The following UBE4A variants were observed in gnomAD, a reference collection of about 807,000 sequenced individuals.
The protein encoded by UBE4A is ubiquitin conjugation factor E4 A.
Under a neutral mutation model 117.9 loss-of-function variants are expected in UBE4A, and 48 were observed. That is an observed-to-expected ratio of 0.41 (90% CI 0.32 to 0.52). The LOEUF (loss-of-function observed/expected upper bound fraction) is 0.52, where lower values mean the gene tolerates loss of function less well. Ranked by LOEUF, UBE4A falls within the 20% of genes least tolerant of loss-of-function variation. UBE4A has a pLI of 0.33. For missense variants in UBE4A, 1,067 were observed against 1,296.3 expected (o/e 0.82, Z 2.72); for synonymous variants, 407 against 450.0 (o/e 0.90, Z 1.21).
chr11:118,387,007 A>G (rs148658855), intron 16 of UBE4A, among the ~76,000 whole-genome samples: 112 of 152,328 alleles, frequency 7.4e-4, no homozygotes, highest in African/African-American at 2.7e-3. Flanking sequence ...TCCACTGTCC[A>G]ATTCAGTAGC....
rs901151695 is a variant in UBE4A, at chr11:118,373,765, C to A, written c.1116+80C>A. On this transcript the variant is annotated intron_variant, in intron 8 of 19. Coordinates refer to ENST00000252108, the MANE Select transcript of UBE4A (RefSeq NM_001204077.2). ...GAAAGCAGATACAGATAAGGCTGCT[C>A]AAGCCTCTCTGGGAAAGCAAATTGA... 1.1e-5 allele frequency: 16 copies of A among 1,445,412 alleles called. No individual in the cohort carries two copies. The East Asian group carries it at 1.5e-4, about 13-fold the overall frequency. 89.5% of individuals were successfully genotyped at this position (1,445,412 alleles called of 1,614,324 possible).
chr11:118,377,912 C>CAA (rs56669473), intron 10 of UBE4A, among the ~76,000 whole-genome samples: 13 of 117,402 alleles, frequency 1.1e-4, no homozygotes, highest in Non-Finnish European at 1.3e-4. Context: ...AACCCTGTCT[C>CAA]AAAAAAAAAA....
chr11:118,373,315 A>G (rs1948624560), intron 7 of UBE4A, 27 bp downstream of exon 7: 1 of 1,606,946 alleles, frequency 6.2e-7, no homozygotes, highest in Non-Finnish European at 8.5e-7. Flanking sequence ...ATATGTATTC[A>G]GTTGAGCTAG....
chr11:118,372,072 CA>C (rs1400336055), intron 5 of UBE4A, among the ~76,000 whole-genome samples: 1 of 152,140 alleles, frequency 6.6e-6, no homozygotes, highest in East Asian at 1.9e-4. Flanking sequence ...CCAGCCTGGC[CA>C]ACATGGCAAA....
At chr11:118,363,310 G>A (rs973810793) in intron 1 of UBE4A, among the ~76,000 whole-genome samples, 11 of 152,126 alleles carry the variant, frequency 7.2e-5, no homozygotes, top group South Asian at 2.1e-4. Flanking sequence ...GGGAGGCCGC[G>A]GTGGGAGGAT....
chr11:118,374,235 C>T (rs1288482546), intron 8 of UBE4A, among the ~76,000 whole-genome samples: 1 of 152,220 alleles, frequency 6.6e-6, no homozygotes, highest in Non-Finnish European at 1.5e-5. Flanking sequence ...CCCCAACCCT[C>T]ATTTTTCTCA....
chr11:118,386,267 G>T (rs1048786174), intron 15 of UBE4A, among the ~76,000 whole-genome samples, 171 bp from the exon 16 acceptor site: 1 of 152,092 alleles, frequency 6.6e-6, no homozygotes, highest in Non-Finnish European at 1.5e-5. Flanking sequence ...TTTTTTTCCT[G>T]AAAGTTCTTT....
chr11:118,366,577 C>A (rs1312473053), intron 2 of UBE4A, among the ~76,000 whole-genome samples: 1 of 152,224 alleles, frequency 6.6e-6, no homozygotes, highest in Non-Finnish European at 1.5e-5. Context: ...CCAGGTCCAA[C>A]CTGTTTCCAC....
At chr11:118,364,547 A>T (rs944974801) in intron 1 of UBE4A, among the ~76,000 whole-genome samples, 2 of 152,020 alleles carry the variant, frequency 1.3e-5, no homozygotes, top group East Asian at 3.8e-4. Flanking sequence ...TACTTAATTT[A>T]TATGTAGCTG....
At position 118,399,148 on chromosome 11, in the gene UBE4A, G is replaced by T; in HGVS notation, c.*2708G>T. 1 of 431,906 alleles carries T rather than the reference G, an allele frequency of 2.3e-6. No homozygotes were observed. The highest frequency in any genetic ancestry group is 4.7e-6 in the Non-Finnish European group (1 of 211,908). 26.8% of individuals were successfully genotyped at this position (431,906 alleles called of 1,614,324 possible). A position where few individuals can be genotyped will look rare whatever the true frequency, so the allele number is the denominator to read the frequency against. On this transcript the variant is annotated 3_prime_UTR_variant, in exon 20 of 20. Transcript: ENST00000252108. ...AAACATTCCAGGAAGGTTACTTCTT[G>T]TCAAACTTGCCTGGCAGTGTTTGTT...
At position 118,398,693 on chromosome 11, in the gene UBE4A, T is replaced by C. The variant is rs1254319535; in HGVS notation, c.*2253T>C. On this transcript the variant is annotated 3_prime_UTR_variant, in exon 20 of 20. Transcript: ENST00000252108. ...GCTTTGCTGGAGTATGATAGCAAAA[T>C]GAAGACTCTTTTACTCAGCTCTGGT... 1.3e-5 allele frequency: 2 copies of C among 154,436 alleles called. No homozygotes were observed. Among genetic ancestry groups the C allele is most frequent in the Non-Finnish European group, 1.4e-5 (1 of 69,462 alleles). The allele number at this position is 154,436 out of a possible 1,614,324, so 9.6% of individuals were successfully genotyped here.
intron 5 of UBE4A, 53 bp from the exon 6 acceptor site, chr11:118,372,454 C>A: frequency 6.5e-7 from 1 of 1,539,788 alleles, no homozygotes; most frequent in Non-Finnish European, 8.7e-7. Context: ...TGTCTACTTT[C>A]GTTCCAGATT....
intron 6 of UBE4A, among the ~76,000 whole-genome samples, 182 bp from the exon 7 acceptor site, chr11:118,372,904 T>G (rs1455616960): frequency 4.0e-5 from 6 of 151,860 alleles, no homozygotes; most frequent in African/African-American, 1.5e-4. Flanking sequence ...GCCCAGGAGT[T>G]TGAGGCTGTA....
At chr11:118,379,953 A>G (rs959646646) in intron 11 of UBE4A, among the ~76,000 whole-genome samples, 3 of 152,174 alleles carry the variant, frequency 2.0e-5, no homozygotes, top group Non-Finnish European at 2.9e-5. Flanking sequence ...TCCCCCTGCT[A>G]TGCATATCAG....
intron 1 of UBE4A, among the ~76,000 whole-genome samples, chr11:118,362,492 T>A (rs1948528209): frequency 6.6e-6 from 1 of 152,208 alleles, no homozygotes; most frequent in African/African-American, 2.4e-5. Context: ...CCTTTCTGCT[T>A]ACGTGTTGCA....
chr11:118,366,109 G>A (rs893210802), intron 2 of UBE4A, among the ~76,000 whole-genome samples: 4 of 149,912 alleles, frequency 2.7e-5, no homozygotes, highest in East Asian at 1.9e-4. Context: ...TGGCCTTTCA[G>A]TTAGAAAGGG....
chr11:118,390,402 TTTA>T (rs201378254), intron 17 of UBE4A, among the ~76,000 whole-genome samples: 7,213 of 146,010 alleles, frequency 0.049, 212 homozygotes, highest in African/African-American at 0.086. Flanking sequence ...TTATTTATAA[TTTA>T]TTATTATATT....
chr11:118,373,738 C>G, intron 8 of UBE4A, 53 bp downstream of exon 8: 1 of 1,555,956 alleles, frequency 6.4e-7, no homozygotes, highest in Non-Finnish European at 8.7e-7. Flanking sequence ...AGAGTTTTCT[C>G]AGAAAGCAGA....
chr11:118,368,803 C>T lies in UBE4A; in HGVS notation c.294C>T (p.Asn98=). 2 of 1,614,064 alleles carry T rather than the reference C, an allele frequency of 1.2e-6. No homozygotes were observed. The highest frequency in any genetic ancestry group is 1.7e-5 in the Admixed American group (1 of 60,018). The change falls in exon 3 of 20, where the codon AAC becomes AAT. Residue 98 remains asparagine, a splice_region_variant and synonymous_variant. Transcript: ENST00000252108. ...IQRIFLITLD[N]SDPSLKSGNG... ...GGATCTTCCTTATTACTCTGGACAACAGTGAGTTACAAACTTATAGCATTA... is the reference window on the plus strand; with the variant it reads ...GGATCTTCCTTATTACTCTGGACAATAGTGAGTTACAAACTTATAGCATTA...
Sources: gnomAD v4.1 joint callset for allele counts (sites outside exome capture counted in the v4.1 genomes callset) on GRCh38, gnomAD v4.1.1 for gene constraint, MANE v1.5 for transcripts, NCBI Gene and HGNC (gene_info 2026-07-23, HGNC 2026-07-21) for gene names.